RAI14: variants seen among roughly 807,000 people sequenced by gnomAD.
RAI14 encodes retinoic acid induced 14.
A neutral mutation model predicts 115.4 loss-of-function variants in RAI14; 45 were observed. The ratio of observed to expected loss-of-function variants is 0.39; its 90% confidence interval spans 0.31 to 0.50. The LOEUF (loss-of-function observed/expected upper bound fraction) is 0.50. Ranked by LOEUF, RAI14 falls within the 20% of genes least tolerant of loss-of-function variation. RAI14 has a pLI of 0.85. For missense variants in RAI14, 939 were observed against 1,131.2 expected, an observed-to-expected ratio of 0.83 and a Z score of 2.44; for synonymous variants, 371 against 415.4, an observed-to-expected ratio of 0.89 and a Z score of 1.30.
chr5:34,776,850 C>T (rs934074674), intron 3 of RAI14, among the ~76,000 whole-genome samples: 14 of 149,586 alleles, frequency 9.4e-5, no homozygotes, highest in African/African-American at 3.4e-4. Context: ...ATATATATAC[C>T]TACTATCTTC....
At chr5:34,662,096 C>T (rs73089105) in intron 1 of RAI14, among the ~76,000 whole-genome samples, 3,138 of 152,258 alleles carry the variant, frequency 0.021, 108 homozygotes, top group African/African-American at 0.07. Context: ...GTCCACACTG[C>T]GTTTCTAAGA....
At position 34,791,116 on chromosome 5, in the gene RAI14, G is replaced by A. The variant is rs1752872512; in HGVS notation, c.168-4823G>A. 6.6e-6 allele frequency among the ~76,000 whole-genome samples: 1 copy of A among 152,094 alleles called. No individual in the cohort carries two copies. The highest frequency in any genetic ancestry group is 2.1e-4 in the South Asian group (1 of 4,824). On this transcript the variant is annotated intron_variant, in intron 3 of 17. Coordinates refer to ENST00000265109, the MANE Select transcript of RAI14 (RefSeq NM_015577.3). The surrounding 1 kb of genome is among the most constrained non-coding windows in gnomAD (Gnocchi z 5.4). ...GGTAAGAAGTATGTGAATTTTGATG[G>A]CTTTTTAATTTTGTTTTTGTAGCAG...
At chr5:34,768,775 G>A (rs1749761002) in intron 3 of RAI14, among the ~76,000 whole-genome samples, 2 of 152,136 alleles carry the variant, frequency 1.3e-5, no homozygotes, top group Non-Finnish European at 2.9e-5. Flanking sequence ...GATCGCTTGA[G>A]GTCAGAAGTT....
chr5:34,808,678 G>A (rs1174255774), intron 7 of RAI14, 24 bp downstream of exon 7: 2 of 1,605,280 alleles, frequency 1.2e-6, no homozygotes, highest in East Asian at 2.2e-5. Flanking sequence ...GGTCACTAGA[G>A]GCAGAGGTAG....
chr5:34,742,273 A>G (rs887826096), intron 2 of RAI14, among the ~76,000 whole-genome samples: 15 of 152,150 alleles, frequency 9.9e-5, no homozygotes, highest in African/African-American at 3.1e-4. Context: ...TATTAAGTCT[A>G]TATGTGCTGA....
rs554876085 is a variant in RAI14 at position 34,801,115 on chromosome 5, G to A, written c.257-2597G>A. Among the ~76,000 whole-genome samples, 22 of 152,254 alleles carry A rather than the reference G, an allele frequency of 1.4e-4. 1 individual carries two copies. Among genetic ancestry groups the A allele is most frequent in the Admixed American group, 1.0e-3 (16 of 15,288 alleles). ...GATCTCATATAATATAACAGGAGGA[G>A]GAGGAAGAGAAAATCTTTGTCTTCT... On this transcript the variant is annotated intron_variant, in intron 4 of 17. Transcript: ENST00000265109.
chr5:34,681,890 T>C (rs1271418342), intron 1 of RAI14, among the ~76,000 whole-genome samples: 1 of 146,986 alleles, frequency 6.8e-6, no homozygotes, highest in Non-Finnish European at 1.5e-5. Context: ...AGTTTCGCTC[T>C]TGTTGCCCAG....
At chr5:34,706,146 G>T (rs1377694467) in intron 2 of RAI14, among the ~76,000 whole-genome samples, 2 of 152,060 alleles carry the variant, frequency 1.3e-5, no homozygotes, top group Non-Finnish European at 2.9e-5. Flanking sequence ...TTCTGCCCTA[G>T]TGTTATTCTC....
intron 4 of RAI14, among the ~76,000 whole-genome samples, chr5:34,800,618 T>A (rs1281003166): frequency 2.0e-5 from 3 of 152,220 alleles, no homozygotes; most frequent in Admixed American, 6.5e-5. Context: ...TTGAGACTAT[T>A]TTTAGTGAAA....
At chr5:34,803,362 A>G (rs1754496510) in intron 4 of RAI14, among the ~76,000 whole-genome samples, 1 of 152,180 alleles carries the variant, frequency 6.6e-6, no homozygotes, top group Admixed American at 6.5e-5. Context: ...AGCTTGCGCA[A>G]CGTGGCGAAA....
chr5:34,813,436 T>G, intron 10 of RAI14, 138 bp from the exon 11 acceptor site: 1 of 558,278 alleles, frequency 1.8e-6, no homozygotes, highest in South Asian at 2.8e-5. Flanking sequence ...TTTATGTTGG[T>G]AGCAGATTTC....
chr5:34,777,730 G>A (rs1296840473), intron 3 of RAI14, among the ~76,000 whole-genome samples: 2 of 152,150 alleles, frequency 1.3e-5, no homozygotes, highest in Non-Finnish European at 1.5e-5. Context: ...AGTGAGCCGA[G>A]ATCGTGCTAT....
intron 2 of RAI14, among the ~76,000 whole-genome samples, chr5:34,689,947 T>C (rs1468109677): frequency 2.6e-5 from 4 of 152,198 alleles, no homozygotes; most frequent in Non-Finnish European, 5.9e-5. Flanking sequence ...CAGGAGATGC[T>C]TAGTAAATAT....
chr5:34,815,367 G>A (rs1420268409), intron 12 of RAI14, among the ~76,000 whole-genome samples: 7 of 149,736 alleles, frequency 4.7e-5, no homozygotes, highest in South Asian at 4.2e-4. Flanking sequence ...GCAACAGGGC[G>A]AGACTCCGTC....
At chr5:34,722,749 G>A (rs1742936406) in intron 2 of RAI14, among the ~76,000 whole-genome samples, 3 of 151,712 alleles carry the variant, frequency 2.0e-5, no homozygotes, top group African/African-American at 7.3e-5. Context: ...GGGGGGCTGA[G>A]GCAGGAGAAT....
At chr5:34,793,820 A>G (rs1310719192) in intron 3 of RAI14, among the ~76,000 whole-genome samples, 2 of 152,202 alleles carry the variant, frequency 1.3e-5, no homozygotes, top group African/African-American at 2.4e-5. Flanking sequence ...ACACAAAGAC[A>G]TTAAGAAGCT....
chr5:34,715,918 A>G (rs764405926), intron 2 of RAI14: 54 of 288,624 alleles, frequency 1.9e-4, no homozygotes, highest in Non-Finnish European at 3.0e-4. Flanking sequence ...TTCTTACAAT[A>G]CTGGACACTT....
chr5:34,774,073 C>T (rs534157558), intron 3 of RAI14, among the ~76,000 whole-genome samples: 2 of 152,240 alleles, frequency 1.3e-5, no homozygotes, highest in South Asian at 4.1e-4. Flanking sequence ...ATAAACAAGC[C>T]TGGGCGCAGT....
chr5:34,708,402 A>G (rs1027378775), intron 2 of RAI14, among the ~76,000 whole-genome samples: 2 of 152,028 alleles, frequency 1.3e-5, no homozygotes, highest in African/African-American at 4.8e-5. Context: ...GGGTTTCTCC[A>G]CGTTGGTCAG....
Sources: allele counts gnomAD v4.1 joint callset (sites outside exome capture counted in the v4.1 genomes callset), GRCh38; gene constraint gnomAD v4.1.1; non-coding constraint Gnocchi (gnomAD v3.1); transcripts MANE v1.5; gene names NCBI Gene and HGNC (gene_info 2026-07-23, HGNC 2026-07-21).